TAFA5: variants seen among roughly 807,000 people sequenced by gnomAD.
TAFA5 encodes the protein chemokine-like protein TAFA-5.
A neutral mutation model predicts 15.3 loss-of-function variants in TAFA5; 6 were observed. The observed-to-expected ratio is 0.39, with a 90% confidence interval of 0.21 to 0.77. The LOEUF is 0.77. Ranked by LOEUF, TAFA5 falls within the 30% of genes least tolerant of loss-of-function variation. The pLI, the probability that TAFA5 is intolerant of heterozygous loss-of-function variation, is 0.41. For synonymous variants in TAFA5, 103 were observed against 80.7 expected, an observed-to-expected ratio of 1.28 and a Z score of -1.48; for missense variants, 161 against 193.1, an observed-to-expected ratio of 0.83 and a Z score of 0.98.
At chr22:48,496,716 A>G (rs966710694) in intron 1 of TAFA5, among the ~76,000 whole-genome samples, 2 of 152,064 alleles carry the variant, frequency 1.3e-5, no homozygotes, top group Non-Finnish European at 2.9e-5. Flanking sequence ...TTGCAGGTGC[A>G]CCGCAGGGAG....
chr22:48,703,249 G>T (rs770697857), intron 2 of TAFA5, among the ~76,000 whole-genome samples: 1 of 152,124 alleles, frequency 6.6e-6, no homozygotes, highest in African/African-American at 2.4e-5. Context: ...TGTGTGTGTG[G>T]TGTGTGGCCA....
Position 48,720,400 on chromosome 22 carries a change from G to A in TAFA5, c.390+12556G>A, listed in dbSNP as rs16999803. On this transcript the variant is annotated intron_variant, in intron 3 of 3. Coordinates refer to ENST00000402357, the MANE Select transcript of TAFA5 (RefSeq NM_001082967.3). ...ACCCAACATCTCAGGGACACCCCTC[G>A]AGAATCGCTGGAGGGGTCACTTTTT... 9.7e-3 allele frequency among the ~76,000 whole-genome samples: 1,474 copies of A among 152,254 alleles called. 21 individuals carry two copies. The highest frequency in any genetic ancestry group is 0.032 in the African/African-American group (1,335 of 41,542).
At chr22:48,534,142 G>A (rs1922065688) in intron 1 of TAFA5, among the ~76,000 whole-genome samples, 1 of 151,782 alleles carries the variant, frequency 6.6e-6, no homozygotes, top group Non-Finnish European at 1.5e-5. Flanking sequence ...GGCAGGTGAG[G>A]GAGGTCAGGC....
intron 1 of TAFA5, among the ~76,000 whole-genome samples, chr22:48,551,658 G>T (rs376770811): frequency 6.6e-6 from 1 of 152,138 alleles, no homozygotes. Flanking sequence ...GGGTCCTAAG[G>T]GGGGCAGGGT....
At chr22:48,529,311 G>A (rs112665575) in intron 1 of TAFA5, among the ~76,000 whole-genome samples, 294 of 71,362 alleles carry the variant, frequency 4.1e-3, no homozygotes, top group Non-Finnish European at 5.9e-3. Flanking sequence ...GCAGGAGATG[G>A]GGGTGTCCAG....
chr22:48,670,562 G>A (rs1227594762), intron 2 of TAFA5, among the ~76,000 whole-genome samples: 2 of 152,230 alleles, frequency 1.3e-5, no homozygotes, highest in Admixed American at 6.5e-5. Flanking sequence ...AGTGAAAATG[G>A]GGGCAATCCA....
At chr22:48,591,107 C>T (rs555889173) in intron 1 of TAFA5, among the ~76,000 whole-genome samples, 1 of 152,324 alleles carries the variant, frequency 6.6e-6, no homozygotes, top group South Asian at 2.1e-4. Context: ...CCGCCTCGGC[C>T]TCCCAAAGTC....
intron 2 of TAFA5, among the ~76,000 whole-genome samples, chr22:48,651,147 T>G (rs547920437): frequency 4.6e-5 from 7 of 152,352 alleles, no homozygotes; most frequent in African/African-American, 1.7e-4. Context: ...AATCAAAGAC[T>G]GCAGCCCAGT....
intron 1 of TAFA5, among the ~76,000 whole-genome samples, chr22:48,613,397 C>T (rs1925482677): frequency 6.6e-6 from 1 of 152,178 alleles, no homozygotes; most frequent in South Asian, 2.1e-4. Context: ...GTCATCCAGC[C>T]CACTGTGGAT....
At chr22:48,701,852 G>A (rs544852210) in intron 2 of TAFA5, among the ~76,000 whole-genome samples, 13 of 152,308 alleles carry the variant, frequency 8.5e-5, no homozygotes, top group Non-Finnish European at 1.5e-4. Flanking sequence ...CGTCCTCTGC[G>A]CTCTGCCCTC....
At chr22:48,577,038 C>T (rs551616391) in intron 1 of TAFA5, among the ~76,000 whole-genome samples, 16 of 152,308 alleles carry the variant, frequency 1.1e-4, no homozygotes, top group African/African-American at 3.6e-4. Flanking sequence ...GTCGGGAAAC[C>T]GGCCTGCGCA....
At chr22:48,653,166 G>A (rs1185412845) in intron 2 of TAFA5, among the ~76,000 whole-genome samples, 2 of 152,222 alleles carry the variant, frequency 1.3e-5, no homozygotes, top group African/African-American at 2.4e-5. Context: ...CGCTTGGCAA[G>A]CGGAGAGGCG....
At chr22:48,503,427 T>C (rs780447651) in intron 1 of TAFA5, among the ~76,000 whole-genome samples, 10 of 152,216 alleles carry the variant, frequency 6.6e-5, no homozygotes, top group Non-Finnish European at 1.5e-4. Context: ...AGATGTGGAC[T>C]CGTGAACTTG....
chr22:48,671,461 C>A (rs1350137467), intron 2 of TAFA5, among the ~76,000 whole-genome samples: 1 of 152,204 alleles, frequency 6.6e-6, no homozygotes, highest in Non-Finnish European at 1.5e-5. Context: ...GTTCCACTCT[C>A]TGTGGAAAAG....
At position 48,527,931 on chromosome 22, in the gene TAFA5, CTCT is replaced by C. The variant is rs1271597025; in HGVS notation, c.112+38233_112+38235del. 3.3e-5 allele frequency among the ~76,000 whole-genome samples: 5 copies of C among 152,236 alleles called. No individual in the cohort carries two copies. In the South Asian group the frequency reaches 8.3e-4, roughly 25 times the overall value. On this transcript the variant is annotated intron_variant, in intron 1 of 3. Coordinates refer to ENST00000402357, the MANE Select transcript of TAFA5 (RefSeq NM_001082967.3). ...GTGCAATCCCGCCTTCCCAGGCGCG[CTCT>C]TCTTCAGGCACTTCTGAGATGCACT...
At chr22:48,729,031 T>G (rs1929785591) in intron 3 of TAFA5, among the ~76,000 whole-genome samples, 1 of 151,982 alleles carries the variant, frequency 6.6e-6, no homozygotes, top group African/African-American at 2.4e-5. Flanking sequence ...AATCTGGAAA[T>G]TTTTATTAAA....
intron 2 of TAFA5, among the ~76,000 whole-genome samples, chr22:48,704,210 A>G (rs1010594401): frequency 4.0e-5 from 6 of 151,858 alleles, no homozygotes; most frequent in Non-Finnish European, 7.4e-5. Context: ...GCACACACAC[A>G]CACACACACA....
chr22:48,560,180 G>GTT lies in TAFA5; in HGVS notation c.112+70478_112+70479dup, dbSNP rs993242066. On this transcript the variant is annotated intron_variant, in intron 1 of 3. Coordinates refer to ENST00000402357, the MANE Select transcript of TAFA5 (RefSeq NM_001082967.3). This position sits in a 1 kb window ranked among gnomAD's most constrained non-coding sequence, Gnocchi z 4.2. ...GCGTCACTGCTCTCAGCAGGGGACC[G>GTT]TTTCTCTAACGGGAGCCTGTCAGTT... is the stretch of plus-strand genomic sequence containing the variant. 2.0e-5 allele frequency among the ~76,000 whole-genome samples: 3 copies of GTT among 152,230 alleles called. No individual in the cohort carries two copies. Among genetic ancestry groups the GTT allele is most frequent in the Non-Finnish European group, 4.4e-5 (3 of 68,038 alleles).
intron 3 of TAFA5, among the ~76,000 whole-genome samples, chr22:48,714,911 C>T (rs572163003): frequency 1.3e-5 from 2 of 152,332 alleles, no homozygotes; most frequent in Non-Finnish European, 2.9e-5. Flanking sequence ...TGTTCCTTGG[C>T]TCGTGGCCAC....
Sources: gnomAD v4.1 joint callset for allele counts (sites outside exome capture counted in the v4.1 genomes callset) on GRCh38, gnomAD v4.1.1 for gene constraint, Gnocchi (gnomAD v3.1) non-coding constraint, MANE v1.5 for transcripts, NCBI Gene and HGNC (gene_info 2026-07-23, HGNC 2026-07-21) for gene names.